The following TSNARE1 variants were observed in gnomAD, a reference collection of about 807,000 sequenced individuals.
TSNARE1 encodes the protein t-SNARE domain containing 1.
TSNARE1 carries 49 observed loss-of-function variants against 62.0 expected under a neutral mutation model. That is an observed-to-expected ratio of 0.79 (90% CI 0.63 to 1.00). TSNARE1 has a LOEUF of 1.00. Among genes scored for constraint, TSNARE1 ranks in the 50% least tolerant of loss-of-function variants. The pLI is 0.00. For missense variants in TSNARE1, 755 were observed against 700.1 expected (o/e 1.08, Z -0.88); for synonymous variants, 328 against 294.4 (o/e 1.11, Z -1.17).
intron 3 of TSNARE1, 124 bp downstream of exon 3, chr8:142,345,618 GT>G (rs1484802115): frequency 9.0e-5 from 106 of 1,180,420 alleles, no homozygotes; most frequent in Admixed American, 1.2e-4. Context: ...GGGGATGCAG[GT>G]CCCTTGCCTC....
At chr8:142,232,935 A>G (rs1479388508) in intron 12 of TSNARE1, among the ~76,000 whole-genome samples, 1 of 152,162 alleles carries the variant, frequency 6.6e-6, no homozygotes, top group Admixed American at 6.5e-5. Context: ...GCCTGGCCGG[A>G]GGGGCTGAGC....
rs1405733718 is a variant in TSNARE1 at position 142,222,924 on chromosome 8, TC to T, written c.*11+6548del. On this transcript the variant is annotated intron_variant, in intron 13 of 13. Transcript: ENST00000524325. ...CTTACTCATCCACTCATTCACTCAT[TC>T]ACTCATCCACTCATTCACTCACTCA... Among the ~76,000 whole-genome samples, 51 of 76,506 alleles carry T rather than the reference TC, an allele frequency of 6.7e-4. 3 individuals carry two copies. The highest frequency in any genetic ancestry group is 1.1e-3 in the Non-Finnish European group (30 of 28,134). The allele number at this position is 76,506 out of a possible 152,430, so 50.2% of individuals were successfully genotyped here. A position where few individuals can be genotyped will look rare whatever the true frequency, so the allele number is the denominator to read the frequency against.
Position 142,330,933 on chromosome 8 carries a change from T to C in TSNARE1, c.861A>G (p.Thr287=). Residue 287 remains threonine (T), a synonymous_variant, in exon 6 of 14, where the codon ACA becomes ACG. Coordinates refer to ENST00000524325, the MANE Select transcript of TSNARE1 (RefSeq NM_145003.5). The part of the protein sequence containing the change: ...SLERSLQSLG[T]PSDTQELRDS... ...CCCGAAGCTCCTGCGTGTCACTCGG[T>C]GTCCCTAAGGACTGAAGGCTCCGCT... 1 of 1,614,104 alleles carries C rather than the reference T, an allele frequency of 6.2e-7. No homozygotes were observed. Among genetic ancestry groups the C allele is most frequent in the Non-Finnish European group, 8.5e-7 (1 of 1,179,990 alleles).
chr8:142,243,248 C>T (rs950264938), intron 12 of TSNARE1, among the ~76,000 whole-genome samples: 10 of 152,152 alleles, frequency 6.6e-5, no homozygotes, highest in East Asian at 1.9e-4. Flanking sequence ...TCCCACTACT[C>T]GGTATACATC....
chr8:142,389,279 T>A (rs932324131), intron 1 of TSNARE1, among the ~76,000 whole-genome samples: 1 of 152,296 alleles, frequency 6.6e-6, no homozygotes, highest in East Asian at 1.9e-4. Context: ...CATTTAGTCC[T>A]AAAACCATAA....
chr8:142,379,936 C>T (rs574823779), intron 1 of TSNARE1, among the ~76,000 whole-genome samples: 1 of 152,310 alleles, frequency 6.6e-6, no homozygotes, highest in African/African-American at 2.4e-5. Flanking sequence ...CCCCTCTCCC[C>T]AGGGTCTGAA....
Position 142,330,962 on chromosome 8 carries a change from A to G in TSNARE1, c.832T>C (p.Leu278=), listed in dbSNP as rs772559704. ...CCTAAGGACTGAAGGCTCCGCTCCA[A>G]GGAGGTCACTGCCCGAGAGAAGAGG... ...VFRINSSVTS[L]ERSLQSLGTP... The change falls in exon 6 of 14, where the codon TTG becomes CTG. Residue 278 remains leucine (L), a synonymous_variant. Transcript: ENST00000524325. 1 of 1,614,002 alleles carries G rather than the reference A, an allele frequency of 6.2e-7. No individual in the cohort carries two copies. Among genetic ancestry groups the G allele is most frequent in the Non-Finnish European group, 8.5e-7 (1 of 1,179,960 alleles).
intron 13 of TSNARE1, among the ~76,000 whole-genome samples, chr8:142,216,274 G>A (rs1454802391): frequency 2.0e-5 from 3 of 152,188 alleles, no homozygotes; most frequent in African/African-American, 4.8e-5. Flanking sequence ...AATGCTGCTG[G>A]GGAGATCTTT....
chr8:142,383,475 A>G (rs975198385), intron 1 of TSNARE1, among the ~76,000 whole-genome samples: 2 of 152,180 alleles, frequency 1.3e-5, no homozygotes, highest in African/African-American at 4.8e-5. Context: ...CCCCAAGCAC[A>G]GCTGGCCAGG....
chr8:142,354,262 TC>T (rs1834502674), intron 2 of TSNARE1, among the ~76,000 whole-genome samples: 2 of 152,090 alleles, frequency 1.3e-5, no homozygotes, highest in Admixed American at 1.3e-4. Context: ...AGCTTCCTCC[TC>T]TGTACAGAGT....
chr8:142,403,696 C>G (rs1249401414), upstream of TSNARE1: 1 of 152,250 alleles, frequency 6.6e-6, no homozygotes, highest in Non-Finnish European at 1.5e-5. Flanking sequence ...CTCCGGACTC[C>G]CAGTGTCACC....
intron 12 of TSNARE1, among the ~76,000 whole-genome samples, chr8:142,237,029 T>A (rs117242341): frequency 0.016 from 2,466 of 152,216 alleles, 29 homozygotes; most frequent in Non-Finnish European, 0.025. Context: ...GGGAGCTTTT[T>A]AGGCAATCAA....
chr8:142,399,524 A>T (rs1172234167), intron 1 of TSNARE1, among the ~76,000 whole-genome samples: 1 of 152,176 alleles, frequency 6.6e-6, no homozygotes, highest in Admixed American at 6.5e-5. Context: ...GAGGATGAGG[A>T]TGCCCTCAGT....
Position 142,283,923 on chromosome 8 carries a change from G to A in TSNARE1, c.1363+490C>T, listed in dbSNP as rs1224461840. 7.7e-5 allele frequency among the ~76,000 whole-genome samples: 11 copies of A among 143,436 alleles called. 5 individuals carry two copies. In the South Asian group the frequency reaches 2.2e-3, roughly 29 times the overall value. 94.1% of individuals were successfully genotyped at this position (143,436 alleles called of 152,430 possible). On this transcript the variant is annotated intron_variant, in intron 11 of 13. Transcript: ENST00000524325. ...CGGGGCCAGTGTCTGTCAGTGAGGG[G>A]AGCAGGGACCAGGTTCTGTCAATGA...
chr8:142,304,365 C>T (rs1035207711), intron 9 of TSNARE1, among the ~76,000 whole-genome samples: 32 of 152,210 alleles, frequency 2.1e-4, no homozygotes, highest in African/African-American at 7.7e-4. Flanking sequence ...GCAGTGGTGC[C>T]GGCTGTGAGG....
At position 142,305,486 on chromosome 8, in the gene TSNARE1, C is replaced by T. The variant is rs138312131; in HGVS notation, c.1132-4842G>A. 7.4e-3 allele frequency among the ~76,000 whole-genome samples: 1,130 copies of T among 152,212 alleles called. 7 individuals carry two copies. Among genetic ancestry groups the T allele is most frequent in the Non-Finnish European group, 0.012 (804 of 67,996 alleles). ...GTGGACACCCAGGAAGGCGGCAGGG[C>T]TGGGGTGCGGGCCAGAGGAGACCCC... On this transcript the variant is annotated intron_variant, in intron 9 of 13. Coordinates refer to ENST00000524325, the MANE Select transcript of TSNARE1 (RefSeq NM_145003.5).
intron 12 of TSNARE1, among the ~76,000 whole-genome samples, chr8:142,251,991 C>T (rs1818196768): frequency 7.0e-6 from 1 of 142,270 alleles, no homozygotes; most frequent in African/African-American, 2.6e-5. Context: ...CACCATGTAC[C>T]CGCCACTCGC....
At chr8:142,221,868 T>C (rs370488786) in intron 13 of TSNARE1, among the ~76,000 whole-genome samples, 8 of 38,886 alleles carry the variant, frequency 2.1e-4, no homozygotes, top group Middle Eastern at 0.022. Flanking sequence ...CACTCACTCA[T>C]TCACTCACTC....
intron 9 of TSNARE1, 119 bp from the exon 10 acceptor site, chr8:142,300,763 G>GGACGATCTGGCTCTGAGGC (rs1825601043): frequency 1.4e-5 from 17 of 1,212,068 alleles, no homozygotes; most frequent in Non-Finnish European, 1.9e-5. Flanking sequence ...CTCTCTGAGG[G>GGACGATCTGGCTCTGAGGC]GACGATCTGG....
Sources: allele counts gnomAD v4.1 joint callset (sites outside exome capture counted in the v4.1 genomes callset), GRCh38; gene constraint gnomAD v4.1.1; transcripts MANE v1.5; gene names NCBI Gene and HGNC (gene_info 2026-07-23, HGNC 2026-07-21).